EPB41L1: variants seen among roughly 807,000 people sequenced by gnomAD.
The protein encoded by EPB41L1 is erythrocyte membrane protein band 4.1 like 1, also known as band 4.1-like protein 1.
A neutral mutation model predicts 97.8 loss-of-function variants in EPB41L1; 29 were observed. That is an observed-to-expected ratio of 0.30 (90% confidence interval 0.22 to 0.40). EPB41L1 has a LOEUF of 0.40. Among genes scored for constraint, EPB41L1 ranks in the 10% least tolerant of loss-of-function variants. The pLI is 1.00. For synonymous variants in EPB41L1, 383 were observed against 459.2 expected, an observed-to-expected ratio of 0.83 and a Z score of 2.12; for missense variants, 812 against 1,162.3, an observed-to-expected ratio of 0.70 and a Z score of 4.38.
At chr20:36,099,874 CTGCA>C (rs1179655435) in intron 1 of EPB41L1, among the ~76,000 whole-genome samples, 1 of 152,212 alleles carries the variant, frequency 6.6e-6, no homozygotes, top group Non-Finnish European at 1.5e-5. Context: ...GGAGTGGGCT[CTGCA>C]TATGTTCCAG....
At position 36,229,628 on chromosome 20, in the gene EPB41L1, G is replaced by T. The variant is rs554736131; in HGVS notation, c.*288G>T. The T allele has an allele frequency of 2.6e-5, 8 of 305,002 alleles. No homozygotes were observed. In the South Asian group the frequency reaches 7.8e-4, roughly 30 times the overall value. 18.9% of individuals were successfully genotyped at this position (305,002 alleles called of 1,614,324 possible). On this transcript the variant is annotated 3_prime_UTR_variant, in exon 22 of 22. Coordinates refer to ENST00000338074, the MANE Select transcript of EPB41L1 (RefSeq NM_012156.2). ...ACATTTCCTTTGCAGACAAATTGAA[G>T]AACTGGTGGGATTTTTTTCAAGAAA...
chr20:36,142,454 C>T (rs1312365196), intron 2 of EPB41L1, among the ~76,000 whole-genome samples: 1 of 152,180 alleles, frequency 6.6e-6, no homozygotes, highest in Non-Finnish European at 1.5e-5. Flanking sequence ...GGAATTTCTG[C>T]GTTAAACGGT....
At chr20:36,121,057 C>T (rs1248743724) in intron 2 of EPB41L1, among the ~76,000 whole-genome samples, 1 of 137,666 alleles carries the variant, frequency 7.3e-6, no homozygotes, top group African/African-American at 2.6e-5. Flanking sequence ...AATGTGAACG[C>T]ATTACCTGTC....
At chr20:36,213,860 C>G (rs2063284617) in intron 16 of EPB41L1, among the ~76,000 whole-genome samples, 1 of 152,130 alleles carries the variant, frequency 6.6e-6, no homozygotes, top group Non-Finnish European at 1.5e-5. Flanking sequence ...TACAACTTAC[C>G]TTTCTTCTTA....
chr20:36,095,727 G>A (rs1314842998), intron 1 of EPB41L1, among the ~76,000 whole-genome samples: 1 of 152,186 alleles, frequency 6.6e-6, no homozygotes, highest in Non-Finnish European at 1.5e-5. Flanking sequence ...ACAGCAGCAG[G>A]GTTACCTGGG....
At chr20:36,175,190 AAAG>A (rs2061174454) in intron 2 of EPB41L1, among the ~76,000 whole-genome samples, 1 of 152,162 alleles carries the variant, frequency 6.6e-6, no homozygotes, top group South Asian at 2.1e-4. Flanking sequence ...TGACAGACAA[AAAG>A]AAGGAGACCA....
Position 36,188,348 on chromosome 20 carries a change from ACT to A in EPB41L1, c.878_879del (p.Ser293Ter). On this transcript the variant is annotated frameshift_variant and splice_region_variant, in exon 9 of 22. Coordinates refer to ENST00000338074, the MANE Select transcript of EPB41L1 (RefSeq NM_012156.2). LOFTEE classifies it high-confidence loss of function. ...ATTCCATGGTCTCTTCTCATGCAGGACTCTGAGGGCATCGACATCATGTTAGG... is the reference window on the plus strand; with the variant it reads ...ATTCCATGGTCTCTTCTCATGCAGGACTGAGGGCATCGACATCATGTTAGG... The A allele has an allele frequency of 6.2e-7, 1 of 1,612,898 alleles. No homozygotes were observed. The highest frequency in any genetic ancestry group is 8.5e-7 in the Non-Finnish European group (1 of 1,179,892).
At chr20:36,151,682 A>G (rs182479181), upstream of EPB41L1, 8 of 152,388 alleles carry the variant, frequency 5.2e-5, no homozygotes, top group Non-Finnish European at 8.8e-5. Flanking sequence ...TGCTTCCTCC[A>G]GCCTGATTTT....
intron 1 of EPB41L1, among the ~76,000 whole-genome samples, chr20:36,107,841 A>G (rs2058251473): frequency 6.6e-6 from 1 of 151,864 alleles, no homozygotes; most frequent in Admixed American, 6.6e-5. Flanking sequence ...AAAAAAAAAA[A>G]TTGTAAAGGC....
chr20:36,115,232 C>T (rs2058547810), intron 2 of EPB41L1, among the ~76,000 whole-genome samples: 1 of 152,180 alleles, frequency 6.6e-6, no homozygotes, highest in South Asian at 2.1e-4. Flanking sequence ...AGTAAGGGAG[C>T]TGGGTTTCAA....
chr20:36,138,953 C>T (rs1007193314), intron 2 of EPB41L1, among the ~76,000 whole-genome samples: 2 of 152,176 alleles, frequency 1.3e-5, no homozygotes, highest in Non-Finnish European at 2.9e-5. Flanking sequence ...AGTAAAGGCC[C>T]TTTGACTGCC....
At chr20:36,201,286 T>C (rs1299748898) in intron 14 of EPB41L1, among the ~76,000 whole-genome samples, 1 of 152,178 alleles carries the variant, frequency 6.6e-6, no homozygotes, top group Admixed American at 6.5e-5. Flanking sequence ...GATCTCCCTC[T>C]TTCAGGTCCT....
At position 36,212,390 on chromosome 20, in the gene EPB41L1, T is replaced by C. The variant is rs781192420; in HGVS notation, c.2184+14T>C. 1 of 1,610,634 alleles carries C rather than the reference T, an allele frequency of 6.2e-7. No individual in the cohort carries two copies. The highest frequency in any genetic ancestry group is 1.1e-5 in the South Asian group (1 of 91,000). On this transcript the variant is annotated intron_variant, in intron 16 of 21. Coordinates refer to ENST00000338074, the MANE Select transcript of EPB41L1 (RefSeq NM_012156.2). The surrounding 1 kb of genome is among the most constrained non-coding windows in gnomAD (Gnocchi z 4.8). ...GATAACACCCAGGTAACTTGTGCCT[T>C]CCAATGTACCCTAAGCATGGGTATT...
chr20:36,189,870 T>C (rs1415275781), intron 9 of EPB41L1, among the ~76,000 whole-genome samples: 1 of 152,202 alleles, frequency 6.6e-6, no homozygotes, highest in East Asian at 1.9e-4. Context: ...ATTCAGTGAA[T>C]GAACAGGCCA....
intron 2 of EPB41L1, among the ~76,000 whole-genome samples, chr20:36,148,334 G>C (rs1267678433): frequency 6.6e-6 from 1 of 152,210 alleles, no homozygotes; most frequent in Non-Finnish European, 1.5e-5. Context: ...CTAGCCAGAG[G>C]AGTTGGTGCA....
intron 2 of EPB41L1, among the ~76,000 whole-genome samples, chr20:36,137,139 A>G (rs1280267217): frequency 1.4e-5 from 2 of 146,066 alleles, no homozygotes; most frequent in South Asian, 2.2e-4. Flanking sequence ...CAGTGGCTCA[A>G]TCTCGGTTCA....
chr20:36,182,340 A>G lies in EPB41L1; in HGVS notation c.559A>G (p.Ile187Val), dbSNP rs369470148. The change falls in exon 6 of 22, where the codon ATC becomes GTC. Residue 187 changes from isoleucine (I) to valine (V), a missense_variant. By Grantham distance (29) the Ile-to-Val change is conservative. Transcript: ENST00000338074. ...TGATCCTGCCCAGCTGACAGAAGACATCACAAGGTGAGGGCTGTGGAGGGA... is the reference window on the plus strand; with the variant it reads ...TGATCCTGCCCAGCTGACAGAAGACGTCACAAGGTGAGGGCTGTGGAGGGA... ...PPDPAQLTED[I>V]TRYYLCLQLR... The G allele has an allele frequency of 6.2e-7, 1 of 1,613,948 alleles. No individual in the cohort carries two copies. Among genetic ancestry groups the G allele is most frequent in the African/African-American group, 1.3e-5 (1 of 74,930 alleles).
intron 2 of EPB41L1, among the ~76,000 whole-genome samples, chr20:36,145,443 G>A (rs536267235): frequency 6.6e-6 from 1 of 151,896 alleles, no homozygotes; most frequent in African/African-American, 2.4e-5. Flanking sequence ...GGTGTTCCAG[G>A]GACCACACTT....
intron 1 of EPB41L1, among the ~76,000 whole-genome samples, chr20:36,156,445 G>A (rs987979888): frequency 3.9e-5 from 6 of 152,230 alleles, no homozygotes; most frequent in Non-Finnish European, 8.8e-5. Flanking sequence ...AGTCGATATT[G>A]AAAGGTTGAA....
Sources: gnomAD v4.1 joint callset for allele counts (sites outside exome capture counted in the v4.1 genomes callset) on GRCh38, gnomAD v4.1.1 for gene constraint, Gnocchi (gnomAD v3.1) non-coding constraint, MANE v1.5 for transcripts, NCBI Gene and HGNC (gene_info 2026-07-23, HGNC 2026-07-21) for gene names.